The following ZNF99 variants were observed in gnomAD, a reference collection of about 807,000 sequenced individuals.
ZNF99 encodes the protein zinc finger protein ENSP00000375192.
ZNF99 carries 8 observed loss-of-function variants against 12.8 expected under a neutral mutation model. That is an observed-to-expected ratio of 0.62 (90% CI 0.37 to 1.13). The LOEUF (loss-of-function observed/expected upper bound fraction) is 1.13, where lower values mean the gene tolerates loss of function less well. Among genes scored for constraint, ZNF99 ranks in the 50% most tolerant of loss-of-function variants. ZNF99 has a pLI of 0.02. For missense variants in ZNF99, 1,007 were observed against 1,006.2 expected (o/e 1.00, Z -0.01); for synonymous variants, 318 against 319.0 (o/e 1.00, Z 0.03).
rs910969986 is a variant in ZNF99 at position 22,752,590 on chromosome 19, T to C, written c.*4724A>G. 1.3e-5 allele frequency: 2 copies of C among 152,100 alleles called. No homozygotes were observed. The highest frequency in any genetic ancestry group is 4.8e-5 in the African/African-American group (2 of 41,438). The allele number at this position is 152,100 out of a possible 1,614,324, so 9.4% of individuals were successfully genotyped here. A position where few individuals can be genotyped will look rare whatever the true frequency, so the allele number is the denominator to read the frequency against. ...ACTGAAAAAAAGAGATTACTAGAGATGTTATTCCACTCTTACCAAATAGTA... is the reference window on the plus strand; with the variant it reads ...ACTGAAAAAAAGAGATTACTAGAGACGTTATTCCACTCTTACCAAATAGTA... On this transcript the variant is annotated 3_prime_UTR_variant, in exon 4 of 4. Transcript: ENST00000596209.
Position 22,755,907 on chromosome 19 carries a change from A to G in ZNF99, c.*1407T>C, listed in dbSNP as rs1182245388. ...CTTTAGGAATTCTCTCATTTTGAGT[A>G]ACAGCTGAGCAATGGTTAAAAGCTT... On this transcript the variant is annotated 3_prime_UTR_variant, in exon 4 of 4. Transcript: ENST00000596209. 1 of 346,560 alleles carries G rather than the reference A, an allele frequency of 2.9e-6. No individual in the cohort carries two copies. The highest frequency in any genetic ancestry group is 2.1e-5 in the African/African-American group (1 of 47,260). 21.5% of individuals were successfully genotyped at this position (346,560 alleles called of 1,614,324 possible).
chr19:22,765,146 C>T lies in ZNF99; in HGVS notation c.226+3159G>A, dbSNP rs189948678. ...GAGATATATATATAATGGAACACTA[C>T]TCAGCCATAAAATGGAATAAATTAA... On this transcript the variant is annotated intron_variant, in intron 3 of 3. Coordinates refer to ENST00000596209, the MANE Select transcript of ZNF99 (RefSeq NM_001080409.3). 4.4e-3 allele frequency among the ~76,000 whole-genome samples: 663 copies of T among 152,260 alleles called. 8 individuals are homozygous for T. Among genetic ancestry groups the T allele is most frequent in the African/African-American group, 0.015 (633 of 41,546 alleles).
chr19:22,774,648 T>A (rs2145156212), intron 1 of ZNF99, among the ~76,000 whole-genome samples: 1 of 152,224 alleles, frequency 6.6e-6, no homozygotes, highest in East Asian at 1.9e-4. Context: ...GGTGGGTAGA[T>A]CATTTGAGGT....
chr19:22,775,783 G>A (rs559827120), intron 1 of ZNF99, among the ~76,000 whole-genome samples: 160 of 152,372 alleles, frequency 1.1e-3, no homozygotes, highest in African/African-American at 3.8e-3. Flanking sequence ...CCAGCACTCT[G>A]GGAGGCTGAG....
rs548779497 is a variant in ZNF99 at position 22,752,420 on chromosome 19, T to C, written c.*4894A>G. ...ATATGCTATATATGGCAGAAATATATCTACACACTATGTACCCATAAAAGT... is the reference window on the plus strand; with the variant it reads ...ATATGCTATATATGGCAGAAATATACCTACACACTATGTACCCATAAAAGT... On this transcript the variant is annotated 3_prime_UTR_variant, in exon 4 of 4. Coordinates refer to ENST00000596209, the MANE Select transcript of ZNF99 (RefSeq NM_001080409.3). The C allele has an allele frequency of 1.3e-5, 2 of 151,696 alleles. No individual in the cohort carries two copies. Among genetic ancestry groups the C allele is most frequent in the Non-Finnish European group, 2.9e-5 (2 of 67,968 alleles). 9.4% of individuals were successfully genotyped at this position (151,696 alleles called of 1,614,324 possible).
chr19:22,756,779 C>G lies in ZNF99; in HGVS notation c.*535G>C, dbSNP rs1039389623. The G allele has an allele frequency of 6.2e-7, 1 of 1,611,118 alleles. No homozygotes were observed. Among genetic ancestry groups the G allele is most frequent in the Admixed American group, 1.7e-5 (1 of 59,824 alleles). On this transcript the variant is annotated 3_prime_UTR_variant, in exon 4 of 4. Coordinates refer to ENST00000596209, the MANE Select transcript of ZNF99 (RefSeq NM_001080409.3). ...GAATTGTTAAAAGCTTTGCCACATT[C>G]TTCACATTTGTAGGGTTTCTTTCCA...
Position 22,754,353 on chromosome 19 carries a change from TGA to T in ZNF99, c.*2959_*2960del, listed in dbSNP as rs567678105. On this transcript the variant is annotated 3_prime_UTR_variant, in exon 4 of 4. Transcript: ENST00000596209. ...TTGCACTCCAATTTGGGCGACAGAG[TGA>T]GACTCCATTTCAAAAAAAAAAAAAA... The T allele has an allele frequency of 1.8e-4, 75 of 410,000 alleles. 2 individuals are homozygous for T. Among genetic ancestry groups the T allele is most frequent in the South Asian group, 1.3e-3 (75 of 56,276 alleles). 25.4% of individuals were successfully genotyped at this position (410,000 alleles called of 1,614,324 possible).
Position 22,756,006 on chromosome 19 carries a change from G to T in ZNF99, c.*1308C>A. 2 of 789,792 alleles carry T rather than the reference G, an allele frequency of 2.5e-6. No individual in the cohort carries two copies. Among genetic ancestry groups the T allele is most frequent in the South Asian group, 1.4e-5 (1 of 69,312 alleles). 48.9% of individuals were successfully genotyped at this position (789,792 alleles called of 1,614,324 possible). ...TATGTGTATTTAAGGTGTGAGGACT[G>T]GTTAAAGGCTTTGCCACATTCTTTA... On this transcript the variant is annotated 3_prime_UTR_variant, in exon 4 of 4. Coordinates refer to ENST00000596209, the MANE Select transcript of ZNF99 (RefSeq NM_001080409.3).
intron 1 of ZNF99, among the ~76,000 whole-genome samples, chr19:22,782,365 CTTT>C (rs893117659): frequency 6.9e-6 from 1 of 144,790 alleles, no homozygotes; most frequent in Admixed American, 6.9e-5. Flanking sequence ...TTTTTTTTTT[CTTT>C]TTTTTTAAGA....
chr19:22,769,473 C>T, intron 1 of ZNF99, 149 bp from the exon 2 acceptor site: 2 of 912,828 alleles, frequency 2.2e-6, no homozygotes, highest in Non-Finnish European at 3.1e-6. Context: ...ATTTTCAACA[C>T]AGAAATCGTC....
In ZNF99 at chr19:22,757,094, T is replaced by C; in HGVS notation, c.*220A>G. On this transcript the variant is annotated 3_prime_UTR_variant, in exon 4 of 4. Coordinates refer to ENST00000596209, the MANE Select transcript of ZNF99 (RefSeq NM_001080409.3). ...ATGTTTCTTAAGGGTTGAGGAATTG[T>C]TAAAAGCTTTTCCACATTCTCCACA... The C allele has an allele frequency of 6.2e-7, 1 of 1,612,610 alleles. No individual in the cohort carries two copies. The highest frequency in any genetic ancestry group is 8.5e-7 in the Non-Finnish European group (1 of 1,179,046).
In ZNF99 at chr19:22,757,621, C is replaced by T. The variant is rs1973083155; in HGVS notation, c.2288G>A (p.Cys763Tyr). 14 of 1,611,624 alleles carry T rather than the reference C, an allele frequency of 8.7e-6. No homozygotes were observed. The East Asian group carries it at 2.9e-4, about 33-fold the overall frequency. The change falls in exon 4 of 4, where the codon TGT (cysteine) becomes TAT (tyrosine). Residue 763 changes from cysteine to tyrosine, a missense_variant. Physicochemically the swap from Cys to Tyr is radical, Grantham distance 194. Transcript: ENST00000596209. ...VIHTAEKPCKCEECGKAFKHF... is the reference protein window; with the variant it reads ...VIHTAEKPCKYEECGKAFKHF... ...CTTAAAAGCTTTGCCACATTCTTCA[C>T]ATTTGCAGGGTTTCTCTGCAGTATG...
intron 1 of ZNF99, among the ~76,000 whole-genome samples, chr19:22,775,564 C>G (rs1314896687): frequency 6.8e-6 from 1 of 147,708 alleles, no homozygotes; most frequent in East Asian, 2.0e-4. Context: ...CAAATGGGAC[C>G]TAATTAAATT....
Position 22,769,906 on chromosome 19 carries a change from A to T in ZNF99, c.4-582T>A, listed in dbSNP as rs142571710. ...AATAAAGTATAAAATTAAGGGCATG[A>T]TAACATGTACATTTTTGAGTGCTAT... On this transcript the variant is annotated intron_variant, in intron 1 of 3. Transcript: ENST00000596209. 359 of 1,360,850 alleles carry T rather than the reference A, an allele frequency of 2.6e-4. 1 individual carries two copies. The African/African-American group carries it at 5.1e-3, about 19-fold the overall frequency. The allele number at this position is 1,360,850 out of a possible 1,614,324, so 84.3% of individuals were successfully genotyped here.
At chr19:22,777,762 A>G (rs1973345759) in intron 1 of ZNF99, among the ~76,000 whole-genome samples, 1 of 152,052 alleles carries the variant, frequency 6.6e-6, no homozygotes, top group South Asian at 2.1e-4. Flanking sequence ...ACTTGTAGAC[A>G]CTTGAGTGAG....
chr19:22,768,242 T>G, intron 3 of ZNF99, 63 bp downstream of exon 3: 2 of 1,550,882 alleles, frequency 1.3e-6, no homozygotes. Context: ...TTTTGAGAAC[T>G]GGCTTTCTCC....
At position 22,756,046 on chromosome 19, in the gene ZNF99, C is replaced by G; in HGVS notation, c.*1268G>C. 8.3e-7 allele frequency: 1 copy of G among 1,199,482 alleles called. No individual in the cohort carries two copies. Among genetic ancestry groups the G allele is most frequent in the Non-Finnish European group, 1.2e-6 (1 of 867,580 alleles). The allele number at this position is 1,199,482 out of a possible 1,614,324, so 74.3% of individuals were successfully genotyped here. A position where few individuals can be genotyped will look rare whatever the true frequency, so the allele number is the denominator to read the frequency against. On this transcript the variant is annotated 3_prime_UTR_variant, in exon 4 of 4. Transcript: ENST00000596209. ...CACATTCTTTACATTTGTGGGGTTT[C>G]TCTCCAGCATGAATTGTTTTCTGCC...
intron 3 of ZNF99, among the ~76,000 whole-genome samples, chr19:22,764,364 A>G (rs1450700632): frequency 1.3e-5 from 2 of 152,184 alleles, no homozygotes; most frequent in East Asian, 1.9e-4. Flanking sequence ...AGAACATTGG[A>G]AAAACCCTTT....
At chr19:22,780,333 A>AT (rs1973373559) in intron 1 of ZNF99, among the ~76,000 whole-genome samples, 2 of 152,196 alleles carry the variant, frequency 1.3e-5, no homozygotes, top group African/African-American at 4.8e-5. Context: ...TTATATCTCA[A>AT]TAAGAGAAAC....
Sources: allele counts gnomAD v4.1 joint callset (sites outside exome capture counted in the v4.1 genomes callset), GRCh38; gene constraint gnomAD v4.1.1; transcripts MANE v1.5; gene names NCBI Gene and HGNC (gene_info 2026-07-23, HGNC 2026-07-21).